Variants in CLEC16A observed in about 807,000 individuals in gnomAD.
CLEC16A encodes protein CLEC16A.
A neutral mutation model predicts 109.5 loss-of-function variants in CLEC16A; 51 were observed. That is an observed-to-expected ratio of 0.47 (90% CI 0.37 to 0.59). The LOEUF is 0.59. Among genes scored for constraint, CLEC16A ranks in the 20% least tolerant of loss-of-function variants. CLEC16A has a pLI of 0.00. For synonymous variants in CLEC16A, 673 were observed against 564.2 expected (o/e 1.19, Z -2.73); for missense variants, 1,339 against 1,394.0 (o/e 0.96, Z 0.63).
intron 11 of CLEC16A, among the ~76,000 whole-genome samples, chr16:11,012,840 T>G (rs1389191513): frequency 6.6e-6 from 1 of 152,166 alleles, no homozygotes; most frequent in African/African-American, 2.4e-5. Flanking sequence ...TTGTCATGCA[T>G]TTGTATTATC....
intron 23 of CLEC16A, among the ~76,000 whole-genome samples, chr16:11,176,165 C>T (rs1340241772): frequency 2.0e-5 from 3 of 152,246 alleles, no homozygotes; most frequent in Non-Finnish European, 4.4e-5. Context: ...GCAGGCAGAT[C>T]GTGCTAGGTC....
Position 11,067,700 on chromosome 16 carries a change from G to A in CLEC16A, c.2116+6678G>A, listed in dbSNP as rs1043087948. Among the ~76,000 whole-genome samples the A allele has an allele frequency of 9.9e-5, 15 of 152,156 alleles. 1 individual carries two copies. The highest frequency in any genetic ancestry group is 7.2e-4 in the Admixed American group (11 of 15,276). On this transcript the variant is annotated intron_variant, in intron 19 of 23. Transcript: ENST00000409790. ...TGGCCTCAGTGGAAGAGATTTATGG[G>A]TCAGGGCAGCATTACAGCAGGGAGC...
intron 19 of CLEC16A, among the ~76,000 whole-genome samples, chr16:11,072,750 T>C (rs1294668701): frequency 2.0e-5 from 3 of 152,250 alleles, no homozygotes; most frequent in South Asian, 4.1e-4. Flanking sequence ...GTGTTTGTGA[T>C]AGAAACAGTC....
chr16:11,019,375 GAA>G (rs1263095422), intron 11 of CLEC16A, among the ~76,000 whole-genome samples: 1 of 152,090 alleles, frequency 6.6e-6, no homozygotes, highest in East Asian at 1.9e-4. Flanking sequence ...TTAATGGGGA[GAA>G]AAAATGAGGT....
intron 22 of CLEC16A, among the ~76,000 whole-genome samples, chr16:11,153,038 G>T (rs767342140): frequency 6.6e-6 from 1 of 152,166 alleles, no homozygotes; most frequent in Non-Finnish European, 1.5e-5. Flanking sequence ...TTGTGTCTTG[G>T]GTTCTTGGGA....
chr16:10,957,753 T>G, intron 1 of CLEC16A, 29 bp from the exon 2 acceptor site: 1 of 1,612,910 alleles, frequency 6.2e-7, no homozygotes. Context: ...TTGGTAACCT[T>G]TAATTTCCTT....
chr16:11,022,964 C>T (rs1035239543), intron 12 of CLEC16A, among the ~76,000 whole-genome samples: 4 of 148,150 alleles, frequency 2.7e-5, no homozygotes, highest in Admixed American at 6.7e-5. Context: ...TTCGAAACAT[C>T]GTTTCTTTTC....
chr16:10,958,698 G>C (rs988170668), intron 2 of CLEC16A, among the ~76,000 whole-genome samples: 3 of 152,194 alleles, frequency 2.0e-5, no homozygotes, highest in African/African-American at 7.2e-5. Context: ...GAGCCCAGGA[G>C]TTTGAGACCA....
At chr16:11,004,687 A>G (rs1175618464) in intron 11 of CLEC16A, among the ~76,000 whole-genome samples, 3 of 152,144 alleles carry the variant, frequency 2.0e-5, no homozygotes, top group Admixed American at 1.3e-4. Flanking sequence ...TGCTTGCTCC[A>G]TCATGACTTT....
intron 22 of CLEC16A, among the ~76,000 whole-genome samples, chr16:11,135,697 A>C (rs78226514): frequency 0.016 from 2,406 of 152,366 alleles, 32 homozygotes; most frequent in Non-Finnish European, 0.023. Flanking sequence ...GGAGAGAACA[A>C]ACCCCATATG....
Position 10,973,045 on chromosome 16 carries a change from G to A in CLEC16A, c.712G>A (p.Val238Met). The A allele has an allele frequency of 1.9e-6, 3 of 1,606,756 alleles. No homozygotes were observed. Among genetic ancestry groups the A allele is most frequent in the Non-Finnish European group, 8.5e-7 (1 of 1,176,350 alleles). Residue 238 changes from valine (V) to methionine (M), a missense_variant, in exon 7 of 24, where the codon GTG becomes ATG. Physicochemically the swap from Val to Met is conservative, Grantham distance 21. Coordinates refer to ENST00000409790, the MANE Select transcript of CLEC16A (RefSeq NM_015226.3). ...CCATGTGATCGAACTCGATGACTGC[G>A]TGCAGACTGATGAGGAGTAAGTGAC... ...GSHVIELDDC[V>M]QTDEEHRNRG...
intron 10 of CLEC16A, among the ~76,000 whole-genome samples, chr16:10,996,024 G>A (rs1414258155): frequency 3.3e-5 from 5 of 152,022 alleles, no homozygotes; most frequent in African/African-American, 7.3e-5. Flanking sequence ...TCTGGCCACC[G>A]GTCTCTCTTT....
At chr16:11,092,902 G>T (rs1400648466) in intron 19 of CLEC16A, among the ~76,000 whole-genome samples, 1 of 152,222 alleles carries the variant, frequency 6.6e-6, no homozygotes, top group Non-Finnish European at 1.5e-5. Flanking sequence ...CATGGTGACT[G>T]TCGTTATCCT....
rs534842962 is a variant in CLEC16A at position 11,159,825 on chromosome 16, C to G, written c.2642-6563C>G. Among the ~76,000 whole-genome samples, 7 of 152,206 alleles carry G rather than the reference C, an allele frequency of 4.6e-5. No individual in the cohort carries two copies. The South Asian group carries it at 1.0e-3, about 23-fold the overall frequency. On this transcript the variant is annotated intron_variant, in intron 22 of 23. Coordinates refer to ENST00000409790, the MANE Select transcript of CLEC16A (RefSeq NM_015226.3). ...GATATAACTTTTCACCTTTTATTGT[C>G]GGGTTCTTATTTACTTTTTGTTTTA... is the stretch of plus-strand genomic sequence containing the variant.
chr16:11,134,320 G>C (rs924088632), intron 22 of CLEC16A, among the ~76,000 whole-genome samples: 1 of 151,860 alleles, frequency 6.6e-6, no homozygotes, highest in Non-Finnish European at 1.5e-5. Context: ...ATTTCTGGAA[G>C]TGTGAGCTAT....
intron 19 of CLEC16A, among the ~76,000 whole-genome samples, chr16:11,119,877 A>G (rs2052270921): frequency 6.6e-6 from 1 of 152,104 alleles, no homozygotes; most frequent in Non-Finnish European, 1.5e-5. Flanking sequence ...CTTCTGATCC[A>G]TGAGCGTTGG....
At chr16:11,162,598 A>G (rs909633269) in intron 22 of CLEC16A, among the ~76,000 whole-genome samples, 9 of 152,246 alleles carry the variant, frequency 5.9e-5, no homozygotes, top group Non-Finnish European at 1.2e-4. Context: ...GAAAGAGAGC[A>G]CAAATTTTTT....
rs190343437 is a variant in CLEC16A at position 11,155,307 on chromosome 16, G to A, written c.2642-11081G>A. Among the ~76,000 whole-genome samples the A allele has an allele frequency of 9.2e-5, 14 of 152,336 alleles. No homozygotes were observed. In the East Asian group the frequency reaches 2.7e-3, roughly 29 times the overall value. On this transcript the variant is annotated intron_variant, in intron 22 of 23. Coordinates refer to ENST00000409790, the MANE Select transcript of CLEC16A (RefSeq NM_015226.3). ...CACTCTGCTTTAGAGTGACAACAGTGCTTTAGAGGACACAGGCTCGTGGGG... is the reference window on the plus strand; with the variant it reads ...CACTCTGCTTTAGAGTGACAACAGTACTTTAGAGGACACAGGCTCGTGGGG...
At chr16:11,030,757 G>T (rs1200521073) in intron 13 of CLEC16A, among the ~76,000 whole-genome samples, 1 of 152,154 alleles carries the variant, frequency 6.6e-6, no homozygotes, top group Non-Finnish European at 1.5e-5. Context: ...CAATTCTCCT[G>T]CCTCAGCCTC....
Sources: allele counts gnomAD v4.1 joint callset (sites outside exome capture counted in the v4.1 genomes callset), GRCh38; gene constraint gnomAD v4.1.1; transcripts MANE v1.5; gene names NCBI Gene and HGNC (gene_info 2026-07-23, HGNC 2026-07-21).